Variants in RIPOR2 observed in about 807,000 individuals in gnomAD.
The protein encoded by RIPOR2 is RHO family interacting cell polarization regulator 2.
A neutral mutation model predicts 114.5 loss-of-function variants in RIPOR2; 39 were observed. The observed-to-expected ratio is 0.34, with a 90% CI of 0.26 to 0.44. The LOEUF (loss-of-function observed/expected upper bound fraction) is 0.44. Among genes scored for constraint, RIPOR2 ranks in the 20% least tolerant of loss-of-function variants. The pLI is 1.00. For synonymous variants in RIPOR2, 445 were observed against 484.4 expected (o/e 0.92, Z 1.07); for missense variants, 1,007 against 1,255.1 (o/e 0.80, Z 2.99).
intron 1 of RIPOR2, among the ~76,000 whole-genome samples, chr6:24,903,411 T>C (rs186250796): frequency 6.6e-6 from 1 of 152,250 alleles, no homozygotes; most frequent in African/African-American, 2.4e-5. Flanking sequence ...TGAAAGATCA[T>C]GCGGGGTGGG....
intron 8 of RIPOR2, 115 bp from the exon 9 acceptor site, chr6:24,852,733 A>G: frequency 1.3e-6 from 1 of 754,820 alleles, no homozygotes; most frequent in Non-Finnish European, 2.1e-6. Context: ...GCAAACTCAC[A>G]TAACACTTTT....
intron 1 of RIPOR2, among the ~76,000 whole-genome samples, chr6:24,981,331 TGTAAAGCAGGAGGAATTCTGAATG>T (rs1439533173): frequency 2.0e-5 from 3 of 152,350 alleles, no homozygotes; most frequent in Non-Finnish European, 4.4e-5. Flanking sequence ...CTTTTTCTTC[TGTAAAGCAGGAGGAATTCTGAATG>T]TAGGGGAGGA....
intron 1 of RIPOR2, among the ~76,000 whole-genome samples, chr6:25,021,738 A>G (rs1776331408): frequency 6.6e-6 from 1 of 152,192 alleles, no homozygotes; most frequent in Non-Finnish European, 1.5e-5. Context: ...CCACTAAAGA[A>G]CTTACTTATG....
intron 13 of RIPOR2, chr6:24,840,313 T>G: frequency 9.5e-7 from 1 of 1,051,474 alleles, no homozygotes; most frequent in South Asian, 3.1e-5. Context: ...GAAGCAGCCC[T>G]GCTTCCTCTG....
At chr6:24,922,932 A>G (rs1257768405) in intron 1 of RIPOR2, among the ~76,000 whole-genome samples, 1 of 151,796 alleles carries the variant, frequency 6.6e-6, no homozygotes, top group Admixed American at 6.6e-5. Flanking sequence ...TTTTAAGTGT[A>G]TAGTTCAGTA....
In RIPOR2 at chr6:24,948,542, T is replaced by C. The variant is rs35780687; in HGVS notation, c.77-72725A>G. On this transcript the variant is annotated intron_variant, in intron 1 of 13. Coordinates refer to the RIPOR2 transcript ENST00000510784. ...ATTTCTTTCTTTCTTTCTTTTTTTT[T>C]TTTTTTGAGATGGAGTTTCGCTCTT... Among the ~76,000 whole-genome samples the C allele has an allele frequency of 6.1e-3, 935 of 152,110 alleles. 6 individuals carry two copies. Among genetic ancestry groups the C allele is most frequent in the Non-Finnish European group, 9.6e-3 (649 of 67,956 alleles).
intron 1 of RIPOR2, among the ~76,000 whole-genome samples, chr6:24,998,877 A>ATT (rs35140074): frequency 2.0e-5 from 3 of 150,644 alleles, no homozygotes; most frequent in African/African-American, 7.3e-5. Context: ...ATATGCAGTC[A>ATT]TTTTTTTTTT....
chr6:24,857,855 G>T (rs984372648), intron 8 of RIPOR2, among the ~76,000 whole-genome samples: 1 of 152,172 alleles, frequency 6.6e-6, no homozygotes, highest in Non-Finnish European at 1.5e-5. Context: ...TTGATAGTTT[G>T]CAGATTAAGT....
chr6:24,899,796 G>A (rs781377296), intron 1 of RIPOR2, among the ~76,000 whole-genome samples: 1 of 152,106 alleles, frequency 6.6e-6, no homozygotes, highest in African/African-American at 2.4e-5. Context: ...CCTTTTGTGG[G>A]GTTGTTCAGA....
At chr6:24,822,601 C>A (rs1179489879) in intron 19 of RIPOR2, among the ~76,000 whole-genome samples, 4 of 152,152 alleles carry the variant, frequency 2.6e-5, no homozygotes, top group Non-Finnish European at 5.9e-5. Context: ...TCACTGCAAC[C>A]TTCGCCTCCT....
chr6:24,824,818 G>A (rs1462853455), intron 19 of RIPOR2, among the ~76,000 whole-genome samples: 1 of 152,026 alleles, frequency 6.6e-6, no homozygotes, highest in East Asian at 1.9e-4. Flanking sequence ...CCAATACACA[G>A]TAAGAAAATA....
intron 1 of RIPOR2, among the ~76,000 whole-genome samples, chr6:24,968,250 T>C (rs1371608595): frequency 5.9e-5 from 9 of 152,220 alleles, no homozygotes; most frequent in Non-Finnish European, 7.3e-5. Flanking sequence ...TGTTGCACTT[T>C]GACCTCTCGA....
intron 1 of RIPOR2, chr6:25,024,235 A>G (rs1776488026): frequency 2.0e-6 from 3 of 1,525,426 alleles, no homozygotes; most frequent in Non-Finnish European, 1.8e-6. Context: ...CGGTCCTCAT[A>G]CAGTGTGCTG....
intron 1 of RIPOR2, chr6:24,877,438 G>T: frequency 1.4e-6 from 1 of 710,966 alleles, no homozygotes; most frequent in Non-Finnish European, 1.7e-6. Flanking sequence ...TCCCATACTA[G>T]CTGGGGAGGA....
chr6:24,967,909 C>CTTT (rs35997558), intron 1 of RIPOR2, among the ~76,000 whole-genome samples: 1 of 123,514 alleles, frequency 8.1e-6, no homozygotes, highest in Non-Finnish European at 1.7e-5. Context: ...AGATCTCAAT[C>CTTT]TTTTTTTTTT....
In RIPOR2 at chr6:24,809,731, G is replaced by C. The variant is rs1781015845; in HGVS notation, c.3029C>G (p.Thr1010Ser). Residue 1010 changes from threonine (T) to serine (S), a missense_variant, in exon 21 of 22, where the codon ACC (threonine) becomes AGC (serine). Physicochemically the swap from Thr to Ser is moderately conservative, Grantham distance 58. Transcript: ENST00000643898. ...TEEIRNVASE[T>S]LLSLGEDGRL... ...ATAAAACTCACCCAGAGACAAGAGGGTTTCTGAGGCCACATTTCTGATTTC... is the reference window on the plus strand; with the variant it reads ...ATAAAACTCACCCAGAGACAAGAGGCTTTCTGAGGCCACATTTCTGATTTC... 3.2e-6 allele frequency: 5 copies of C among 1,547,846 alleles called. No individual in the cohort carries two copies. Among genetic ancestry groups the C allele is most frequent in the African/African-American group, 1.4e-5 (1 of 72,972 alleles).
chr6:24,891,997 T>G (rs192209512), intron 1 of RIPOR2, among the ~76,000 whole-genome samples: 1 of 152,354 alleles, frequency 6.6e-6, no homozygotes, highest in Non-Finnish European at 1.5e-5. Flanking sequence ...TAGCTGGGAC[T>G]ATAGGTGCGT....
intron 1 of RIPOR2, among the ~76,000 whole-genome samples, chr6:25,033,036 C>T (rs1484836006): frequency 1.3e-5 from 2 of 152,136 alleles, no homozygotes; most frequent in African/African-American, 2.4e-5. Flanking sequence ...AAGATTCTGT[C>T]TCTACAAAAA....
intron 1 of RIPOR2, among the ~76,000 whole-genome samples, chr6:24,919,792 G>A (rs1301433606): frequency 6.6e-6 from 1 of 152,192 alleles, no homozygotes; most frequent in Non-Finnish European, 1.5e-5. Flanking sequence ...TTCAACAGCT[G>A]TAGGCCGTGT....
Sources: gnomAD v4.1 joint callset for allele counts (sites outside exome capture counted in the v4.1 genomes callset) on GRCh38, gnomAD v4.1.1 for gene constraint, MANE v1.5 for transcripts, NCBI Gene and HGNC (gene_info 2026-07-23, HGNC 2026-07-21) for gene names.